RDH10: variants seen among roughly 807,000 people sequenced by gnomAD.
The protein encoded by RDH10 is retinol dehydrogenase 10.
In RDH10, 12 loss-of-function variants were observed where a neutral mutation model predicts 30.2. The ratio of observed to expected loss-of-function variants is 0.40; its 90% CI spans 0.25 to 0.64. The LOEUF is 0.64. Ranked by LOEUF, RDH10 falls within the 30% of genes least tolerant of loss-of-function variation. The pLI is 0.43. For missense variants in RDH10, 268 were observed against 445.2 expected, an observed-to-expected ratio of 0.60 and a Z score of 3.58; for synonymous variants, 189 against 172.2, an observed-to-expected ratio of 1.10 and a Z score of -0.76.
intron 2 of RDH10, among the ~76,000 whole-genome samples, chr8:73,299,400 G>A (rs1814339083): frequency 6.6e-6 from 1 of 152,184 alleles, no homozygotes; most frequent in African/African-American, 2.4e-5. Context: ...AATCTTGTGT[G>A]TTTATGACTA....
At position 73,295,344 on chromosome 8, in the gene RDH10, G is replaced by T. The variant is rs1190485689; in HGVS notation, c.55G>T (p.Val19Leu). The T allele has an allele frequency of 6.4e-7, 1 of 1,563,290 alleles. No homozygotes were observed. Among genetic ancestry groups the T allele is most frequent in the Non-Finnish European group, 8.7e-7 (1 of 1,155,490 alleles). The change falls in exon 1 of 6, where the codon GTG (valine) becomes TTG (leucine). Residue 19 changes from valine to leucine, a missense_variant. Physicochemically the swap from Val to Leu is conservative, Grantham distance 32 (BLOSUM62 1). This residue lies in a region of RDH10 where 44 missense variants were observed against 42.1 expected (regional missense o/e 1.04). Coordinates refer to ENST00000240285, the MANE Select transcript of RDH10 (RefSeq NM_172037.5). ...VVTFKVLWAFVLAAARWLVRP... is the reference protein window; with the variant it reads ...VVTFKVLWAFLLAAARWLVRP... ...CACTTTCAAAGTGCTCTGGGCGTTCGTGCTGGCCGCGGCGCGCTGGCTGGT... is the reference window on the plus strand; with the variant it reads ...CACTTTCAAAGTGCTCTGGGCGTTCTTGCTGGCCGCGGCGCGCTGGCTGGT...
Position 73,323,002 on chromosome 8 carries a change from C to A in RDH10, c.992C>A (p.Ala331Asp), listed in dbSNP as rs201868320. ...CCCTTTATTGCTCAAAGAAAGCAAG[C>A]CACAAACAATAATGAAGCAAAAAAT... is the stretch of plus-strand genomic sequence containing the variant. ...MYPFIAQRKQ[A>D]TNNNEAKNGI The change falls in exon 6 of 6, where the codon GCC (alanine) becomes GAC (aspartate). Residue 331 changes from alanine to aspartate, a missense_variant. Transcript: ENST00000240285. The A allele has an allele frequency of 9.9e-6, 16 of 1,613,230 alleles. No homozygotes were observed. The highest frequency in any genetic ancestry group is 5.9e-6 in the Non-Finnish European group (7 of 1,179,370).
In RDH10 at chr8:73,295,482, C is replaced by T. The variant is rs1194099180; in HGVS notation, c.193C>T (p.Leu65=). 1.9e-6 allele frequency: 3 copies of T among 1,553,812 alleles called. No individual in the cohort carries two copies. Among genetic ancestry groups the T allele is most frequent in the Non-Finnish European group, 2.6e-6 (3 of 1,149,946 alleles). Residue 65 remains leucine, a synonymous_variant, in exon 1 of 6, where the codon CTG becomes TTG. Coordinates refer to ENST00000240285, the MANE Select transcript of RDH10 (RefSeq NM_172037.5). The stretch of plus-strand genomic sequence containing the variant: ...CGCCCGGCGTCGGGCGCTGCTGGTG[C>T]TGTGGGACATCAACACGCAAAGCAA... ...EFARRRALLV[L]WDINTQSNEE...
chr8:73,315,615 A>G (rs1164164000), intron 2 of RDH10: 1 of 455,614 alleles, frequency 2.2e-6, no homozygotes. Context: ...CCTGCAGGCA[A>G]GACCAGAGCA....
chr8:73,325,246 T>C lies in RDH10; in HGVS notation c.*2210T>C, dbSNP rs1251775569. ...TTGTTTGTTATTGCCCTTATAAGGG[T>C]GTCCATCTCCAAGTTCAATAAACTA... is the stretch of plus-strand genomic sequence containing the variant. On this transcript the variant is annotated 3_prime_UTR_variant, in exon 6 of 6. Transcript: ENST00000240285. 1.3e-5 allele frequency: 2 copies of C among 152,250 alleles called. No homozygotes were observed. The highest frequency in any genetic ancestry group is 3.8e-4 in the East Asian group (2 of 5,206). The allele number at this position is 152,250 out of a possible 1,614,324, so 9.4% of individuals were successfully genotyped here. A position where few individuals can be genotyped will look rare whatever the true frequency, so the allele number is the denominator to read the frequency against.
intron 2 of RDH10, among the ~76,000 whole-genome samples, chr8:73,314,684 C>T (rs1291337885): frequency 1.3e-5 from 2 of 152,188 alleles, no homozygotes; most frequent in Non-Finnish European, 1.5e-5. Flanking sequence ...GGCTGATTAG[C>T]GGCCCTGGAT....
chr8:73,298,247 C>T (rs1483777744), intron 2 of RDH10, among the ~76,000 whole-genome samples: 4 of 152,172 alleles, frequency 2.6e-5, no homozygotes, highest in African/African-American at 9.7e-5. Context: ...TTTCCCTTTC[C>T]TTTTGTAGAC....
Position 73,295,159 on chromosome 8 carries a change from G to C in RDH10, c.-131G>C. On this transcript the variant is annotated 5_prime_UTR_variant, in exon 1 of 6. Coordinates refer to ENST00000240285, the MANE Select transcript of RDH10 (RefSeq NM_172037.5). The stretch of plus-strand genomic sequence containing the variant: ...CACTCCAACCCGGCGGGCACCTCGG[G>C]GGCGGGCGCGGGGCGCAGCCTTCTC... 1 of 880,500 alleles carries C rather than the reference G, an allele frequency of 1.1e-6. No homozygotes were observed. The highest frequency in any genetic ancestry group is 1.6e-6 in the Non-Finnish European group (1 of 629,410). The allele number at this position is 880,500 out of a possible 1,614,324, so 54.5% of individuals were successfully genotyped here. A position where few individuals can be genotyped will look rare whatever the true frequency, so the allele number is the denominator to read the frequency against.
At position 73,295,389 on chromosome 8, in the gene RDH10, G is replaced by A; in HGVS notation, c.100G>A (p.Val34Met). 1 of 1,554,144 alleles carries A rather than the reference G, an allele frequency of 6.4e-7. No individual in the cohort carries two copies. ...GCTGGTGCGGCCCAAGGAGAAGAGC[G>A]TGGCGGGCCAGGTGTGCCTCATCAC... ...RWLVRPKEKS[V>M]AGQVCLITGA... Residue 34 changes from valine (V) to methionine (M), a missense_variant, in exon 1 of 6, where the codon GTG becomes ATG. Val to Met is a conservative substitution (Grantham distance 21). This residue lies in a region of RDH10 where 42 missense variants were observed against 77.6 expected (regional missense o/e 0.54). Coordinates refer to ENST00000240285, the MANE Select transcript of RDH10 (RefSeq NM_172037.5).
intron 2 of RDH10, among the ~76,000 whole-genome samples, chr8:73,299,606 C>A (rs1056793195): frequency 1.3e-5 from 2 of 152,178 alleles, no homozygotes; most frequent in Admixed American, 1.3e-4. Context: ...TTGTTTTCTC[C>A]CGTAACCTTT....
At chr8:73,296,771 T>C (rs962468333) in intron 1 of RDH10, among the ~76,000 whole-genome samples, 13 of 152,228 alleles carry the variant, frequency 8.5e-5, no homozygotes, top group Admixed American at 2.6e-4. Flanking sequence ...AGTTTCCATT[T>C]TGAGGGTTCT....
At chr8:73,304,312 CCTGA>C (rs566998674) in intron 2 of RDH10, among the ~76,000 whole-genome samples, 36 of 152,184 alleles carry the variant, frequency 2.4e-4, no homozygotes, top group Non-Finnish European at 4.3e-4. Flanking sequence ...GTCCCCAAAT[CCTGA>C]CTATTTGCTT....
chr8:73,299,858 A>G (rs1814344696), intron 2 of RDH10, among the ~76,000 whole-genome samples: 1 of 152,382 alleles, frequency 6.6e-6, no homozygotes, highest in East Asian at 1.9e-4. Flanking sequence ...CAGAAAATTC[A>G]TAGCCTTAGC....
chr8:73,315,355 C>G lies in RDH10; in HGVS notation c.526-3741C>G, dbSNP rs774726332. 1.1e-4 allele frequency: 23 copies of G among 207,570 alleles called. 1 individual carries two copies. The highest frequency in any genetic ancestry group is 1.0e-5 in the Non-Finnish European group (1 of 98,686). 12.9% of individuals were successfully genotyped at this position (207,570 alleles called of 1,614,324 possible). ...ACAATTTGGGGGTGGGGGGAGGGTCCCACAGGTGGAAGTGTGTCCCCACGT... is the reference window on the plus strand; with the variant it reads ...ACAATTTGGGGGTGGGGGGAGGGTCGCACAGGTGGAAGTGTGTCCCCACGT... On this transcript the variant is annotated intron_variant, in intron 2 of 5. Transcript: ENST00000240285.
intron 3 of RDH10, 45 bp from the exon 4 acceptor site, chr8:73,320,886 AG>A (rs767617160): frequency 1.2e-6 from 2 of 1,600,774 alleles, no homozygotes; most frequent in Non-Finnish European, 8.5e-7. Flanking sequence ...GGTTGGAGAT[AG>A]GGGCATATGC....
At chr8:73,311,739 G>A (rs1408195832) in intron 2 of RDH10, 1 of 152,198 alleles carries the variant, frequency 6.6e-6, no homozygotes, top group Non-Finnish European at 1.5e-5. Flanking sequence ...GTCCCAATCT[G>A]ATAGAAATTA....
intron 2 of RDH10, among the ~76,000 whole-genome samples, chr8:73,298,727 G>A (rs914660291): frequency 2.6e-5 from 4 of 152,052 alleles, no homozygotes; most frequent in Admixed American, 1.3e-4. Flanking sequence ...GGGGTTTCAT[G>A]GTGTTGCCCA....
intron 2 of RDH10, chr8:73,297,829 G>A: frequency 4.4e-6 from 1 of 228,058 alleles, no homozygotes; most frequent in Non-Finnish European, 8.9e-6. Context: ...ATTTTGGAAA[G>A]TGCCAAAGAT....
At position 73,295,303 on chromosome 8, in the gene RDH10, T is replaced by C. The variant is rs773336664; in HGVS notation, c.14T>C (p.Val5Ala). The C allele has an allele frequency of 1.4e-5, 22 of 1,564,270 alleles. No individual in the cohort carries two copies. The highest frequency in any genetic ancestry group is 2.7e-5 in the African/African-American group (2 of 72,744). The part of the protein sequence containing the change: MNIV[V>A]EFFVVTFKVL... ...CCGGGCGTCGCGATGAACATCGTGG[T>C]GGAGTTCTTCGTGGTCACTTTCAAA... Residue 5 changes from valine (V) to alanine (A), a missense_variant, in exon 1 of 6, where the codon GTG (valine) becomes GCG (alanine). By Grantham distance (64) the Val-to-Ala change is moderately conservative. This residue lies in a region of RDH10 where 44 missense variants were observed against 42.1 expected (regional missense o/e 1.04). Coordinates refer to ENST00000240285, the MANE Select transcript of RDH10 (RefSeq NM_172037.5).
Sources: allele counts gnomAD v4.1 joint callset (sites outside exome capture counted in the v4.1 genomes callset), GRCh38; gene constraint gnomAD v4.1.1; regional missense constraint gnomAD v4.1.1; transcripts MANE v1.5; gene names NCBI Gene and HGNC (gene_info 2026-07-23, HGNC 2026-07-21).